SHC4: variants seen among roughly 807,000 people sequenced by gnomAD.
SHC4 encodes the protein SHC-transforming protein 4.
A neutral mutation model predicts 69.4 loss-of-function variants in SHC4; 41 were observed. The ratio of observed to expected loss-of-function variants is 0.59; its 90% CI spans 0.46 to 0.77. SHC4 has a LOEUF of 0.77. Among genes scored for constraint, SHC4 ranks in the 30% least tolerant of loss-of-function variants. The probability of loss-of-function intolerance (pLI) is 0.00; values close to 1 mark genes in which losing one functional copy is unlikely to be tolerated. For missense variants in SHC4, 777 were observed against 783.8 expected (o/e 0.99, Z 0.10); for synonymous variants, 318 against 299.3 (o/e 1.06, Z -0.64).
At chr15:48,933,642 A>G (rs1901013677) in intron 1 of SHC4, among the ~76,000 whole-genome samples, 1 of 152,186 alleles carries the variant, frequency 6.6e-6, no homozygotes, top group Non-Finnish European at 1.5e-5. Context: ...ATTTCAAAAT[A>G]ACCAGCACAA....
At chr15:48,874,657 G>C (rs1434305905) in intron 4 of SHC4, among the ~76,000 whole-genome samples, 1 of 152,180 alleles carries the variant, frequency 6.6e-6, no homozygotes, top group Non-Finnish European at 1.5e-5. Context: ...CTGGGGAGTG[G>C]CTGCAAATAC....
chr15:48,924,082 C>T (rs1900801253), intron 2 of SHC4, among the ~76,000 whole-genome samples: 1 of 152,150 alleles, frequency 6.6e-6, no homozygotes, highest in Non-Finnish European at 1.5e-5. Flanking sequence ...TTATTCTCTA[C>T]ATGACAATAT....
Position 48,872,668 on chromosome 15 carries a change from G to C in SHC4, c.841-526C>G, listed in dbSNP as rs527296823. 2.6e-5 allele frequency among the ~76,000 whole-genome samples: 4 copies of C among 152,130 alleles called. No individual in the cohort carries two copies. The South Asian group carries it at 8.3e-4, about 32-fold the overall frequency. On this transcript the variant is annotated intron_variant, in intron 4 of 11. Coordinates refer to ENST00000332408, the MANE Select transcript of SHC4 (RefSeq NM_203349.4). ...TTTCACCCTCTCCCTTTATATTTTT[G>C]TTTCTTTTTGCAAAAGTTAGTTTGA...
chr15:48,943,549 C>T (rs1241457818), intron 1 of SHC4, among the ~76,000 whole-genome samples: 3 of 152,064 alleles, frequency 2.0e-5, no homozygotes, highest in Admixed American at 1.3e-4. Context: ...GTGAATAATG[C>T]TACAATGAAC....
At chr15:48,860,384 G>A (rs1001527440) in intron 6 of SHC4, among the ~76,000 whole-genome samples, 17 of 152,064 alleles carry the variant, frequency 1.1e-4, no homozygotes, top group African/African-American at 3.9e-4. Flanking sequence ...GCAGGTGCCT[G>A]TAATCCCAGT....
rs1330049722 is a variant in SHC4 at position 48,834,920 on chromosome 15, C to G, written c.1586G>C (p.Gly529Ala). Reference sequence around the variant, plus strand: ...CTCTGCCGCCTTCCTGCTCAGCTTGCCATGATAGCATTCTTCGCTCCACAG... The same window carrying G: ...CTCTGCCGCCTTCCTGCTCAGCTTGGCATGATAGCATTCTTCGCTCCACAG... Reference protein sequence around the residue: ...QQLWSEECYHGKLSRKAAESL... With the variant: ...QQLWSEECYHAKLSRKAAESL... The change falls in exon 11 of 12, where the codon GGC becomes GCC. Residue 529 changes from glycine to alanine, a missense_variant. Transcript: ENST00000332408. 1 of 1,613,956 alleles carries G rather than the reference C, an allele frequency of 6.2e-7. No individual in the cohort carries two copies. The highest frequency in any genetic ancestry group is 8.5e-7 in the Non-Finnish European group (1 of 1,179,934).
rs1053718456 is a variant in SHC4, at chr15:48,903,709, T to C, written c.657-12898A>G. ...TGGAACTCATTAGATATGCAAATTA[T>C]TGAATCAAAAAACTCTGGGGCTGGG... On this transcript the variant is annotated intron_variant, in intron 2 of 11. Coordinates refer to ENST00000332408, the MANE Select transcript of SHC4 (RefSeq NM_203349.4). Among the ~76,000 whole-genome samples the C allele has an allele frequency of 2.6e-5, 4 of 152,230 alleles. No individual in the cohort carries two copies. The East Asian group carries it at 7.7e-4, about 29-fold the overall frequency.
rs146550345 is a variant in SHC4, at chr15:48,860,234, C to T, written c.947-2419G>A. Among the ~76,000 whole-genome samples, 422 of 152,162 alleles carry T rather than the reference C, an allele frequency of 2.8e-3. 1 individual carries two copies. Among genetic ancestry groups the T allele is most frequent in the African/African-American group, 9.8e-3 (406 of 41,504 alleles). On this transcript the variant is annotated intron_variant, in intron 6 of 11. Transcript: ENST00000332408. ...AGTCCAATTAAAAATGAAGTCAAGG[C>T]CAGGTGCAGTGGCTCACGCCTGTAA...
chr15:48,859,070 G>A (rs1899386081), intron 6 of SHC4, among the ~76,000 whole-genome samples: 1 of 152,160 alleles, frequency 6.6e-6, no homozygotes, highest in Admixed American at 6.5e-5. Flanking sequence ...TGCTAACTTG[G>A]AAGCATGATT....
intron 9 of SHC4, among the ~76,000 whole-genome samples, chr15:48,846,803 C>G (rs1899101890): frequency 6.6e-6 from 1 of 152,100 alleles, no homozygotes; most frequent in African/African-American, 2.4e-5. Context: ...ATATTTAACC[C>G]CACCACGTTT....
intron 1 of SHC4, among the ~76,000 whole-genome samples, chr15:48,958,094 C>A (rs938267751): frequency 2.0e-5 from 3 of 152,210 alleles, no homozygotes; most frequent in African/African-American, 7.2e-5. Flanking sequence ...TAGTAGTAAG[C>A]CACGCAGTTT....
At position 48,963,019 on chromosome 15, in the gene SHC4, C is replaced by T. The variant is rs1385855544; in HGVS notation, c.-4G>A. On this transcript the variant is annotated 5_prime_UTR_variant, in exon 1 of 12. Coordinates refer to ENST00000332408, the MANE Select transcript of SHC4 (RefSeq NM_203349.4). ...TGTCCTGGCCGCGTTCTCGCATAGC[C>T]TTGGCAGTGCTGAAACAGGATACTG... The T allele has an allele frequency of 1.3e-6, 2 of 1,598,224 alleles. No homozygotes were observed. Among genetic ancestry groups the T allele is most frequent in the South Asian group, 1.1e-5 (1 of 89,222 alleles).
Position 48,878,027 on chromosome 15 carries a change from G to C in SHC4, c.841-5885C>G, listed in dbSNP as rs1479167030. 3.2e-5 allele frequency: 32 copies of C among 991,028 alleles called. No homozygotes were observed. In the East Asian group the frequency reaches 7.2e-4, roughly 22 times the overall value. 61.4% of individuals were successfully genotyped at this position (991,028 alleles called of 1,614,324 possible). On this transcript the variant is annotated intron_variant, in intron 4 of 11. Transcript: ENST00000332408. ...AAAACACTGAGCTACTCCAACCACA[G>C]TGGCGCGCCAAGTAGGAGGCGGTAC...
rs940154547 is a variant in SHC4 at position 48,952,561 on chromosome 15, T to C, written c.585+9870A>G. ...CAACAAAGGTCTAGTACTCACCATC[T>C]ATAAGGAACTTAAACAAATTTACAA... is the stretch of plus-strand genomic sequence containing the variant. On this transcript the variant is annotated intron_variant, in intron 1 of 11. Transcript: ENST00000332408. Among the ~76,000 whole-genome samples, 98 of 152,230 alleles carry C rather than the reference T, an allele frequency of 6.4e-4. 1 individual carries two copies. The highest frequency in any genetic ancestry group is 2.1e-3 in the African/African-American group (89 of 41,512).
intron 2 of SHC4, among the ~76,000 whole-genome samples, chr15:48,900,506 CAAA>C (rs112780141): frequency 1.8e-5 from 2 of 111,104 alleles, no homozygotes; most frequent in African/African-American, 3.4e-5. Flanking sequence ...GATTCCAACT[CAAA>C]AAAAAAAAAA....
chr15:48,826,172 C>A, intron 11 of SHC4, 46 bp from the exon 12 acceptor site: 7 of 1,536,690 alleles, frequency 4.6e-6, no homozygotes, highest in Non-Finnish European at 5.3e-6. Flanking sequence ...TATAGTAGTT[C>A]TCCTGAAAGA....
intron 2 of SHC4, among the ~76,000 whole-genome samples, chr15:48,900,562 G>A (rs1201706684): frequency 6.6e-6 from 1 of 152,010 alleles, no homozygotes; most frequent in East Asian, 1.9e-4. Flanking sequence ...GAGGGCACAT[G>A]GAGGTCCTGA....
At chr15:48,926,263 T>A (rs1900851529) in intron 1 of SHC4, among the ~76,000 whole-genome samples, 1 of 152,124 alleles carries the variant, frequency 6.6e-6, no homozygotes, top group Non-Finnish European at 1.5e-5. Flanking sequence ...GAGAATTGCC[T>A]TAGAAATGTT....
intron 4 of SHC4, chr15:48,878,013 C>A (rs184097542): frequency 1.2e-6 from 1 of 811,998 alleles, no homozygotes; most frequent in Non-Finnish European, 1.9e-6. Context: ...AAACACTGAG[C>A]TACTCCAACC....
Sources: gnomAD v4.1 joint callset for allele counts (sites outside exome capture counted in the v4.1 genomes callset) on GRCh38, gnomAD v4.1.1 for gene constraint, MANE v1.5 for transcripts, NCBI Gene and HGNC (gene_info 2026-07-23, HGNC 2026-07-21) for gene names.